Variants in CHLSN observed in about 807,000 individuals in gnomAD.
CHLSN encodes the protein cholesin.
At chr7:1,096,178 G>A in the CHLSN span, among the ~76,000 whole-genome samples, 5 of 152,318 alleles carry the variant, frequency 3.3e-5, no homozygotes, top group East Asian at 5.8e-4. This position sits in a 1 kb window ranked among gnomAD's most constrained non-coding sequence, Gnocchi z 4.6. Flanking sequence ...GCCCCACTAC[G>A]CCGCTCCTCT....
chr7:1,109,634 G>T, the CHLSN span, among the ~76,000 whole-genome samples: 3 of 151,914 alleles, frequency 2.0e-5, no homozygotes, highest in Non-Finnish European at 4.4e-5. Context: ...TCACCTCTGC[G>T]TGGGCGACGG....
the CHLSN span, among the ~76,000 whole-genome samples, chr7:1,016,968 GCCAGCACACA>G: frequency 3.2e-3 from 311 of 97,262 alleles, 18 homozygotes; most frequent in Non-Finnish European, 4.3e-3. Context: ...AGCAGCACAC[GCCAGCACACA>G]CCAGCGCACA....
At chr7:1,115,088 C>T in the CHLSN span, among the ~76,000 whole-genome samples, 3 of 152,190 alleles carry the variant, frequency 2.0e-5, no homozygotes, top group African/African-American at 7.2e-5. Context: ...CATGCTTTGG[C>T]GGAGACAATT....
At chr7:1,016,984 G>GCACAGCAGCGCACGCCAGCA in the CHLSN span, among the ~76,000 whole-genome samples, 1 of 63,540 alleles carries the variant, frequency 1.6e-5, no homozygotes, top group African/African-American at 9.0e-5. Flanking sequence ...ACACACCAGC[G>GCACAGCAGCGCACGCCAGCA]CACAGCAGCG....
At chr7:1,006,711 G>A in the CHLSN span, among the ~76,000 whole-genome samples, 1 of 148,164 alleles carries the variant, frequency 6.7e-6, no homozygotes, top group Non-Finnish European at 1.5e-5. Flanking sequence ...GGGAAAGAGC[G>A]CATGACGGTC....
chr7:1,093,152 C>T, the CHLSN span: 1 of 601,606 alleles, frequency 1.7e-6, no homozygotes, highest in Non-Finnish European at 3.2e-6. Flanking sequence ...GCCAACCCTG[C>T]CTGCCGCTGC....
chr7:1,125,339 T>C, the CHLSN span, among the ~76,000 whole-genome samples: 1 of 152,212 alleles, frequency 6.6e-6, no homozygotes. Context: ...GCGGCCATTT[T>C]CTCATTTCAT....
chr7:1,123,172 G>T, the CHLSN span, among the ~76,000 whole-genome samples: 59 of 152,310 alleles, frequency 3.9e-4, no homozygotes, highest in African/African-American at 1.3e-3. The surrounding 1 kb of genome is among the most constrained non-coding windows in gnomAD (Gnocchi z 4.4). Flanking sequence ...GAGAGTGAGT[G>T]CACCCGGCCC....
At chr7:1,136,391 T>TATATAATATATAAAC in the CHLSN span, among the ~76,000 whole-genome samples, 1 of 28,762 alleles carries the variant, frequency 3.5e-5, no homozygotes, top group Non-Finnish European at 5.9e-5. Flanking sequence ...TATATAAACA[T>TATATAATATATAAAC]ATATATAAAT....
At chr7:1,010,312 C>T in the CHLSN span, among the ~76,000 whole-genome samples, 5 of 152,324 alleles carry the variant, frequency 3.3e-5, no homozygotes, top group South Asian at 2.1e-4. Flanking sequence ...TGTGCTACGA[C>T]GAAGAGACAG....
the CHLSN span, among the ~76,000 whole-genome samples, chr7:1,021,808 G>C: frequency 6.6e-6 from 1 of 152,270 alleles, no homozygotes; most frequent in African/African-American, 2.4e-5. Flanking sequence ...CGCCCAGCGA[G>C]AACTGTGCCT....
the CHLSN span, among the ~76,000 whole-genome samples, chr7:1,120,566 T>C: frequency 0.023 from 3,576 of 152,276 alleles, 114 homozygotes; most frequent in African/African-American, 0.076. Flanking sequence ...GTGCTGAGAT[T>C]ACAGGCACGA....
chr7:1,080,867 G>C, the CHLSN span: 1 of 152,360 alleles, frequency 6.6e-6, no homozygotes, highest in African/African-American at 2.4e-5. Flanking sequence ...GGTGGGCTGA[G>C]AGCCGCTTGG....
At chr7:980,353 G>T in the CHLSN span, among the ~76,000 whole-genome samples, 1 of 152,236 alleles carries the variant, frequency 6.6e-6, no homozygotes, top group Non-Finnish European at 1.5e-5. Flanking sequence ...GACCAATCAG[G>T]TCTGATCAGA....
chr7:1,070,712 ACGCACACG>A, the CHLSN span, among the ~76,000 whole-genome samples: 1 of 139,808 alleles, frequency 7.2e-6, no homozygotes, highest in African/African-American at 2.6e-5. Context: ...GCACATGAAC[ACGCACACG>A]CGCACACATG....
chr7:992,092 G>C, the CHLSN span, among the ~76,000 whole-genome samples: 1 of 152,196 alleles, frequency 6.6e-6, no homozygotes, highest in Non-Finnish European at 1.5e-5. Context: ...TCATGGGAGA[G>C]GCAGACACCC....
At chr7:1,008,702 G>A in the CHLSN span, among the ~76,000 whole-genome samples, 1 of 152,150 alleles carries the variant, frequency 6.6e-6, no homozygotes, top group Non-Finnish European at 1.5e-5. Flanking sequence ...TCTCCTGTAG[G>A]TGGAGGACCG....
chr7:1,071,955 C>T, the CHLSN span, among the ~76,000 whole-genome samples: 43 of 152,320 alleles, frequency 2.8e-4, no homozygotes, highest in South Asian at 3.9e-3. Flanking sequence ...GGTCGGCACA[C>T]GTGGGGAGGC....
At chr7:1,117,342 G>A in the CHLSN span, among the ~76,000 whole-genome samples, 6 of 111,922 alleles carry the variant, frequency 5.4e-5, 1 homozygote, top group Non-Finnish European at 8.9e-5. Context: ...CGACGCCCAC[G>A]CAGGATGATG....
Sources: gnomAD v4.1 joint callset for allele counts (sites outside exome capture counted in the v4.1 genomes callset) on GRCh38, gnomAD v4.1.1 for gene constraint, Gnocchi (gnomAD v3.1) non-coding constraint, MANE v1.5 for transcripts, NCBI Gene and HGNC (gene_info 2026-07-23, HGNC 2026-07-21) for gene names.